C4orf46: variants seen among roughly 807,000 people sequenced by gnomAD.
C4orf46 encodes the protein chromosome 4 open reading frame 46.
C4orf46 carries 8 observed loss-of-function variants against 9.1 expected under a neutral mutation model. The observed-to-expected ratio is 0.88, with a 90% CI of 0.52 to 1.59. The LOEUF (loss-of-function observed/expected upper bound fraction) is 1.59, where lower values mean the gene tolerates loss of function less well. Ranked by LOEUF, C4orf46 falls within the 40% of genes most tolerant of loss-of-function variation. The pLI is 0.00. For missense variants in C4orf46, 151 were observed against 139.1 expected (o/e 1.09, Z -0.43); for synonymous variants, 51 against 58.8 (o/e 0.87, Z 0.61).
chr4:158,672,035 A>C, upstream of C4orf46: 1 of 555,058 alleles, frequency 1.8e-6, no homozygotes, highest in Non-Finnish European at 3.2e-6. Flanking sequence ...CCTCCAATCG[A>C]TCTCGAAGGG....
In C4orf46 at chr4:158,668,943, A is replaced by G. The variant is rs1326255388; in HGVS notation, c.*670T>C. ...TATTTATCATATATTTTTAAAACCT[A>G]TCATCAAAGTCCAAATCTCTGTAAA... On this transcript the variant is annotated 3_prime_UTR_variant, in exon 2 of 2. Transcript: ENST00000379205. The G allele has an allele frequency of 6.6e-6, 1 of 152,234 alleles. No homozygotes were observed. The highest frequency in any genetic ancestry group is 1.5e-5 in the Non-Finnish European group (1 of 68,040). 9.4% of individuals were successfully genotyped at this position (152,234 alleles called of 1,614,324 possible).
At position 158,667,377 on chromosome 4, in the gene C4orf46, C is replaced by A. The variant is rs1197718038; in HGVS notation, c.*2236G>T. Reference sequence around the variant, plus strand: ...TTTTATGACATTTCCTATACAAAAACCAGAAAAAGCAAATCATTATGAAAG... The same window carrying A: ...TTTTATGACATTTCCTATACAAAAAACAGAAAAAGCAAATCATTATGAAAG... On this transcript the variant is annotated 3_prime_UTR_variant, in exon 2 of 2. Transcript: ENST00000379205. 3 of 151,870 alleles carry A rather than the reference C, an allele frequency of 2.0e-5. No homozygotes were observed. The highest frequency in any genetic ancestry group is 2.1e-4 in the South Asian group (1 of 4,820). The allele number at this position is 151,870 out of a possible 1,614,324, so 9.4% of individuals were successfully genotyped here.
At position 158,669,104 on chromosome 4, in the gene C4orf46, T is replaced by C. The variant is rs1241210305; in HGVS notation, c.*509A>G. The C allele has an allele frequency of 6.6e-6, 1 of 152,232 alleles. No individual in the cohort carries two copies. The highest frequency in any genetic ancestry group is 1.5e-5 in the Non-Finnish European group (1 of 68,070). The allele number at this position is 152,232 out of a possible 1,614,324, so 9.4% of individuals were successfully genotyped here. ...TGTTAACTCTTTTATTCAACAAACA[T>C]TTAGTGAATGTTGTGTGACCCTGTT... On this transcript the variant is annotated 3_prime_UTR_variant, in exon 2 of 2. Transcript: ENST00000379205.
intron 1 of C4orf46, among the ~76,000 whole-genome samples, chr4:158,670,792 A>G (rs1051907478): frequency 1.3e-5 from 2 of 152,128 alleles, no homozygotes; most frequent in African/African-American, 4.8e-5. Context: ...TCCAATCTGC[A>G]GGAAAGGTCA....
intron 1 of C4orf46, among the ~76,000 whole-genome samples, chr4:158,670,482 C>T (rs1036043186): frequency 4.6e-5 from 7 of 152,086 alleles, no homozygotes; most frequent in Admixed American, 4.6e-4. Flanking sequence ...ACACTTTAAA[C>T]AATGAAAATG....
intron 1 of C4orf46, 110 bp downstream of exon 1, chr4:158,671,506 C>G (rs1773544649): frequency 1.7e-6 from 2 of 1,161,244 alleles, no homozygotes; most frequent in African/African-American, 1.6e-5. Context: ...AAGGGCCGGT[C>G]GTCCCGGGTC....
rs369531296 is a variant in C4orf46 at position 158,671,583 on chromosome 4, C to T, written c.186+33G>A. ...CCGCCGCCGGTCTTCCCAGAGGCGCCGAGGGGGGACGCGGTCCCGACACCA... is the reference window on the plus strand; with the variant it reads ...CCGCCGCCGGTCTTCCCAGAGGCGCTGAGGGGGGACGCGGTCCCGACACCA... On this transcript the variant is annotated intron_variant, in intron 1 of 1. Transcript: ENST00000379205. The T allele has an allele frequency of 2.8e-6, 4 of 1,451,918 alleles. No homozygotes were observed. In the East Asian group the frequency reaches 7.9e-5, roughly 29 times the overall value. 89.9% of individuals were successfully genotyped at this position (1,451,918 alleles called of 1,614,324 possible).
chr4:158,670,028 T>TTTTTTTTTTTTTTTTTTTTTTTTTC (rs1554030228), intron 1 of C4orf46, among the ~76,000 whole-genome samples: 1 of 113,132 alleles, frequency 8.8e-6, no homozygotes, highest in Non-Finnish European at 1.7e-5. Context: ...GTTTTCTTTT[T>TTTTTTTTTTTTTTTTTTTTTTTTTC]TTTTTTTTTT....
Position 158,667,407 on chromosome 4 carries a change from G to C in C4orf46, c.*2206C>G, listed in dbSNP as rs1432773622. The C allele has an allele frequency of 6.6e-6, 1 of 152,090 alleles. No individual in the cohort carries two copies. The highest frequency in any genetic ancestry group is 1.9e-4 in the East Asian group (1 of 5,180). 9.4% of individuals were successfully genotyped at this position (152,090 alleles called of 1,614,324 possible). A position where few individuals can be genotyped will look rare whatever the true frequency, so the allele number is the denominator to read the frequency against. On this transcript the variant is annotated 3_prime_UTR_variant, in exon 2 of 2. Coordinates refer to ENST00000379205, the MANE Select transcript of C4orf46 (RefSeq NM_001008393.4). ...AAAAGCAAATCATTATGAAAGATTGGTAAAATTACGTTTTTAAAAATTCAA... is the reference window on the plus strand; with the variant it reads ...AAAAGCAAATCATTATGAAAGATTGCTAAAATTACGTTTTTAAAAATTCAA...
At position 158,671,765 on chromosome 4, in the gene C4orf46, G is replaced by T; in HGVS notation, c.37C>A (p.Pro13Thr). 2 of 1,559,560 alleles carry T rather than the reference G, an allele frequency of 1.3e-6. No homozygotes were observed. Among genetic ancestry groups the T allele is most frequent in the South Asian group, 1.2e-5 (1 of 84,950 alleles). The change falls in exon 1 of 2, where the codon CCC (proline) becomes ACC (threonine). Residue 13 changes from proline to threonine, a missense_variant. By Grantham distance (38) the Pro-to-Thr change is conservative. Transcript: ENST00000379205. ...GAGGGAGAAGAGGGAGGCGGCGGGG[G>T]CGGCGAAGAAACCTGCAACTCCTCA... The part of the protein sequence containing the change: ...DPEELQVSSP[P>T]PPPPSSPSSS...
At position 158,666,764 on chromosome 4, in the gene C4orf46, G is replaced by A. The variant is rs534345233; in HGVS notation, c.*2849C>T. 6.6e-6 allele frequency: 1 copy of A among 152,298 alleles called. No homozygotes were observed. Among genetic ancestry groups the A allele is most frequent in the South Asian group, 2.1e-4 (1 of 4,824 alleles). 9.4% of individuals were successfully genotyped at this position (152,298 alleles called of 1,614,324 possible). On this transcript the variant is annotated 3_prime_UTR_variant, in exon 2 of 2. Transcript: ENST00000379205. Reference sequence around the variant, plus strand: ...AATGAAAAGGTAAACACAAGTAGTGGCTTACAACTCTGGACTATATAGCAT... The same window carrying A: ...AATGAAAAGGTAAACACAAGTAGTGACTTACAACTCTGGACTATATAGCAT...
rs753342205 is a variant in C4orf46 at position 158,671,620 on chromosome 4, C to T, written c.182G>A (p.Gly61Glu). ...CGGTCCCGACACCACACTCACGTCTCCGATCTGCAGCTCCACTTCCTCCAG... is the reference window on the plus strand; with the variant it reads ...CGGTCCCGACACCACACTCACGTCTTCGATCTGCAGCTCCACTTCCTCCAG... ...DQLEEVELQI[G>E]DAAFSLTKLL... The change falls in exon 1 of 2, where the codon GGA (glycine) becomes GAA (glutamate). Residue 61 changes from glycine to glutamate, a missense_variant. Gly to Glu is a moderately conservative substitution (Grantham distance 98, BLOSUM62 -2). Transcript: ENST00000379205. 5.1e-6 allele frequency: 8 copies of T among 1,558,186 alleles called. No individual in the cohort carries two copies. Among genetic ancestry groups the T allele is most frequent in the Non-Finnish European group, 7.0e-6 (8 of 1,148,824 alleles).
rs1352649462 is a variant in C4orf46, at chr4:158,668,561, C to A, written c.*1052G>T. 1 of 152,090 alleles carries A rather than the reference C, an allele frequency of 6.6e-6. No individual in the cohort carries two copies. Among genetic ancestry groups the A allele is most frequent in the Non-Finnish European group, 1.5e-5 (1 of 68,014 alleles). The allele number at this position is 152,090 out of a possible 1,614,324, so 9.4% of individuals were successfully genotyped here. ...TTGGCTTAATCGTTGACACACAACACAAAACACCAAAAGCAACATAAGATA... is the reference window on the plus strand; with the variant it reads ...TTGGCTTAATCGTTGACACACAACAAAAAACACCAAAAGCAACATAAGATA... On this transcript the variant is annotated 3_prime_UTR_variant, in exon 2 of 2. Transcript: ENST00000379205.
chr4:158,671,672 T>C lies in C4orf46; in HGVS notation c.130A>G (p.Arg44Gly). 2 of 1,608,912 alleles carry C rather than the reference T, an allele frequency of 1.2e-6. No homozygotes were observed. Among genetic ancestry groups the C allele is most frequent in the South Asian group, 1.1e-5 (1 of 90,686 alleles). Residue 44 changes from arginine to glycine, a missense_variant, in exon 1 of 2, where the codon AGG becomes GGG. Arg to Gly is a moderately radical substitution (Grantham distance 125). Coordinates refer to ENST00000379205, the MANE Select transcript of C4orf46 (RefSeq NM_001008393.4). ...PVSLGWPVPS[R>G]SSGPTVDQLE... Reference sequence around the variant, plus strand: ...TGGTCCACCGTTGGGCCGCTGCTCCTGCTCGGAACTGGCCAGCCCAAACTC... The same window carrying C: ...TGGTCCACCGTTGGGCCGCTGCTCCCGCTCGGAACTGGCCAGCCCAAACTC...
In C4orf46 at chr4:158,670,023, CT is replaced by C. The variant is rs767110704; in HGVS notation, c.187-256del. On this transcript the variant is annotated intron_variant, in intron 1 of 1. Transcript: ENST00000379205. ...TATGACAAATCAGTATAGTTGTTTT[CT>C]TTTTTTTTTTTTTTTTTTGAGACGG... is the stretch of plus-strand genomic sequence containing the variant. Among the ~76,000 whole-genome samples the C allele has an allele frequency of 4.5e-4, 8 of 17,704 alleles. No individual in the cohort carries two copies. In the South Asian group the frequency reaches 0.013, roughly 30 times the overall value. 11.6% of individuals were successfully genotyped at this position (17,704 alleles called of 152,430 possible).
At chr4:158,669,939 A>C (rs1248853695) in intron 1 of C4orf46, among the ~76,000 whole-genome samples, 171 bp from the exon 2 acceptor site, 1 of 151,938 alleles carries the variant, frequency 6.6e-6, no homozygotes, top group Non-Finnish European at 1.5e-5. Context: ...GAAATTCTTT[A>C]ATATTGAGTA....
upstream of C4orf46, chr4:158,671,930 G>C: frequency 1.4e-6 from 1 of 732,006 alleles, no homozygotes; most frequent in Non-Finnish European, 2.2e-6. Context: ...GTCTCCTCGT[G>C]GGTCTCAGCC....
chr4:158,669,622 A>G lies in C4orf46; in HGVS notation c.333T>C (p.Pro111=). 3 of 1,612,406 alleles carry G rather than the reference A, an allele frequency of 1.9e-6. No homozygotes were observed. Among genetic ancestry groups the G allele is most frequent in the Non-Finnish European group, 2.5e-6 (3 of 1,179,690 alleles). ...LLKEGYDSLK[P]DD ...AACGAAGTATGCCAAATCAGTCATC[A>G]GGTTTCAAAGAATCATAGCCTTCTT... The change falls in exon 2 of 2, where the codon CCT becomes CCC. Residue 111 remains proline (P), a synonymous_variant. Transcript: ENST00000379205.
rs1238000908 is a variant in C4orf46, at chr4:158,667,551, C to G, written c.*2062G>C. The G allele has an allele frequency of 2.6e-5, 4 of 151,770 alleles. No homozygotes were observed. The highest frequency in any genetic ancestry group is 9.7e-5 in the African/African-American group (4 of 41,296). The allele number at this position is 151,770 out of a possible 1,614,324, so 9.4% of individuals were successfully genotyped here. A position where few individuals can be genotyped will look rare whatever the true frequency, so the allele number is the denominator to read the frequency against. ...AAAAACTGACAAGTAAAAAAAACAA[C>G]ATAGAAAAATGAGCAAAAATGCCTG... On this transcript the variant is annotated 3_prime_UTR_variant, in exon 2 of 2. Coordinates refer to ENST00000379205, the MANE Select transcript of C4orf46 (RefSeq NM_001008393.4).
Sources: allele counts gnomAD v4.1 joint callset (sites outside exome capture counted in the v4.1 genomes callset), GRCh38; gene constraint gnomAD v4.1.1; transcripts MANE v1.5; gene names NCBI Gene and HGNC (gene_info 2026-07-23, HGNC 2026-07-21).